The following RAD51B variants were observed in gnomAD, a reference collection of about 807,000 sequenced individuals.
RAD51B encodes RAD51 paralog B.
Under a neutral mutation model 42.2 loss-of-function variants are expected in RAD51B, and 38 were observed. The ratio of observed to expected loss-of-function variants is 0.90; its 90% confidence interval spans 0.70 to 1.18. RAD51B has a LOEUF of 1.18. Ranked by LOEUF, RAD51B falls within the 50% of genes most tolerant of loss-of-function variation. The pLI is 0.00. For missense variants in RAD51B, 373 were observed against 400.7 expected (o/e 0.93, Z 0.59); for synonymous variants, 154 against 145.2 (o/e 1.06, Z -0.43).
intron 7 of RAD51B, among the ~76,000 whole-genome samples, chr14:67,892,701 T>A (rs559475145): frequency 9.2e-5 from 14 of 152,224 alleles, no homozygotes; most frequent in Non-Finnish European, 2.1e-4. Context: ...TGAAGCCTAT[T>A]TTTCTCTGGG....
chr14:67,853,755 T>C (rs947779191), intron 4 of RAD51B, among the ~76,000 whole-genome samples: 2 of 152,230 alleles, frequency 1.3e-5, no homozygotes, highest in African/African-American at 2.4e-5. Flanking sequence ...GTCATTTTTA[T>C]AGTTTCTCTT....
At chr14:67,998,386 C>G (rs2075423085) in intron 7 of RAD51B, among the ~76,000 whole-genome samples, 2 of 152,128 alleles carry the variant, frequency 1.3e-5, no homozygotes, top group Non-Finnish European at 2.9e-5. Flanking sequence ...TTAGATTCAG[C>G]CAATAACTGT....
At chr14:68,084,833 G>C (rs1284772052) in intron 7 of RAD51B, among the ~76,000 whole-genome samples, 1 of 152,052 alleles carries the variant, frequency 6.6e-6, no homozygotes, top group Non-Finnish European at 1.5e-5. Flanking sequence ...TGCTGTGTGT[G>C]TCTTATGGCA....
intron 8 of RAD51B, among the ~76,000 whole-genome samples, chr14:68,331,326 C>T (rs2082342520): frequency 8.1e-6 from 1 of 122,966 alleles, no homozygotes; most frequent in Non-Finnish European, 1.7e-5. Context: ...CAAGATCATG[C>T]CACTGCACTC....
chr14:68,394,746 C>T (rs2140026284), intron 8 of RAD51B, among the ~76,000 whole-genome samples: 1 of 152,326 alleles, frequency 6.6e-6, no homozygotes, highest in Admixed American at 6.5e-5. Context: ...GGCTTTGGGC[C>T]CGGGCTCCTG....
At chr14:67,828,773 G>A (rs974888384) in intron 3 of RAD51B, among the ~76,000 whole-genome samples, 1 of 152,070 alleles carries the variant, frequency 6.6e-6, no homozygotes, top group Non-Finnish European at 1.5e-5. Context: ...GTTTTTATCA[G>A]GTTTGTTGAA....
chr14:68,229,011 T>G (rs920432654), intron 7 of RAD51B, among the ~76,000 whole-genome samples: 13 of 152,188 alleles, frequency 8.5e-5, no homozygotes, highest in Non-Finnish European at 1.8e-4. Flanking sequence ...TTTCTTAACT[T>G]ACAGATTATA....
At chr14:68,010,830 G>A (rs971474592) in intron 7 of RAD51B, among the ~76,000 whole-genome samples, 5 of 151,724 alleles carry the variant, frequency 3.3e-5, no homozygotes, top group Admixed American at 6.6e-5. Context: ...TTTTTTAAGC[G>A]AATTTATAAT....
chr14:67,932,479 C>G (rs8013677), intron 7 of RAD51B, among the ~76,000 whole-genome samples: 41,470 of 151,954 alleles, frequency 0.27, 7,344 homozygotes, highest in African/African-American at 0.5. Context: ...TAGGCCCCAG[C>G]ACAGTGTGCA....
intron 9 of RAD51B, among the ~76,000 whole-genome samples, chr14:68,444,663 A>G (rs890892998): frequency 2.0e-5 from 3 of 152,212 alleles, no homozygotes; most frequent in Admixed American, 6.5e-5. Context: ...AAGAATGACC[A>G]CAAAGTGATC....
intron 10 of RAD51B, among the ~76,000 whole-genome samples, chr14:68,537,054 C>G (rs935552827): frequency 1.4e-5 from 2 of 142,324 alleles, no homozygotes; most frequent in Non-Finnish European, 3.0e-5. Flanking sequence ...GACTGCACCA[C>G]TGCACTCCAG....
intron 7 of RAD51B, among the ~76,000 whole-genome samples, chr14:68,148,657 ACT>A (rs1363188615): frequency 6.6e-6 from 1 of 152,086 alleles, no homozygotes; most frequent in African/African-American, 2.4e-5. Flanking sequence ...GTGTTACGAT[ACT>A]CTCTCGTGAT....
At position 67,853,181 on chromosome 14, in the gene RAD51B, G is replaced by T. The variant is rs111688716; in HGVS notation, c.316-11822G>T. Among the ~76,000 whole-genome samples the T allele has an allele frequency of 8.5e-4, 130 of 152,332 alleles. 1 individual carries two copies. The highest frequency in any genetic ancestry group is 3.1e-3 in the African/African-American group (127 of 41,584). On this transcript the variant is annotated intron_variant, in intron 4 of 10. Transcript: ENST00000471583. The stretch of plus-strand genomic sequence containing the variant: ...GGAACCTCAGACCTAGAGCTGCAGA[G>T]AAATAGATTTTTGCCAACAGCTTGA...
chr14:68,089,002 C>T (rs1262646392), intron 7 of RAD51B, among the ~76,000 whole-genome samples: 1 of 152,096 alleles, frequency 6.6e-6, no homozygotes, highest in Non-Finnish European at 1.5e-5. Context: ...AATAACAACT[C>T]TGAAAAACAA....
chr14:68,013,723 A>G (rs1020073713), intron 7 of RAD51B, among the ~76,000 whole-genome samples: 1 of 152,340 alleles, frequency 6.6e-6, no homozygotes, highest in South Asian at 2.1e-4. Flanking sequence ...TTATTTAAAC[A>G]TTAAATATTT....
chr14:68,007,163 A>G (rs1326800242), intron 7 of RAD51B, among the ~76,000 whole-genome samples: 1 of 152,126 alleles, frequency 6.6e-6, no homozygotes, highest in Non-Finnish European at 1.5e-5. Context: ...TACTTAGTAT[A>G]ATGTTTTCAA....
chr14:68,110,293 G>A (rs1382428757), intron 7 of RAD51B, among the ~76,000 whole-genome samples: 4 of 151,934 alleles, frequency 2.6e-5, no homozygotes, highest in African/African-American at 9.7e-5. Context: ...GTGGAAAAAA[G>A]TGGAGGATGA....
chr14:68,438,037 G>T (rs1025611626), intron 9 of RAD51B, among the ~76,000 whole-genome samples: 6 of 152,246 alleles, frequency 3.9e-5, no homozygotes, highest in African/African-American at 1.2e-4. Context: ...GATCGGGGAG[G>T]ATGGGGCCTG....
At chr14:68,085,583 C>T (rs1177859494) in intron 7 of RAD51B, among the ~76,000 whole-genome samples, 2 of 152,098 alleles carry the variant, frequency 1.3e-5, no homozygotes, top group East Asian at 1.9e-4. Flanking sequence ...ATTAAAAAAG[C>T]CATTGGATTT....
Sources: gnomAD v4.1 joint callset for allele counts (sites outside exome capture counted in the v4.1 genomes callset) on GRCh38, gnomAD v4.1.1 for gene constraint, MANE v1.5 for transcripts, NCBI Gene and HGNC (gene_info 2026-07-23, HGNC 2026-07-21) for gene names.